TASOR2: variants seen among roughly 807,000 people sequenced by gnomAD.
TASOR2 encodes transcription activation suppressor family member 2.
TASOR2 carries 84 observed loss-of-function variants against 199.5 expected under a neutral mutation model. The ratio of observed to expected loss-of-function variants is 0.42; its 90% CI spans 0.35 to 0.50. The LOEUF is 0.50. Among genes scored for constraint, TASOR2 ranks in the 20% least tolerant of loss-of-function variants. TASOR2 has a pLI of 0.02. For synonymous variants in TASOR2, 1,103 were observed against 1,046.6 expected (o/e 1.05, Z -1.04); for missense variants, 2,796 against 2,835.9 (o/e 0.99, Z 0.32).
chr10:5,746,029 C>G (rs1837142417), intron 14 of TASOR2, 150 bp from the exon 16 acceptor site: 2 of 858,298 alleles, frequency 2.3e-6, no homozygotes, highest in Admixed American at 3.5e-5. Flanking sequence ...TGATTTGTAC[C>G]CTGTGATATT....
chr10:5,730,336 GTCT>G lies in TASOR2; in HGVS notation c.488-147_488-145del, dbSNP rs1564309685. The G allele has an allele frequency of 1.2e-5, 7 of 585,346 alleles. No homozygotes were observed. Among genetic ancestry groups the G allele is most frequent in the Non-Finnish European group, 1.8e-5 (6 of 339,526 alleles). 36.3% of individuals were successfully genotyped at this position (585,346 alleles called of 1,614,324 possible). On this transcript the variant is annotated intron_variant, in intron 10 of 20. Coordinates refer to ENST00000328090, the Ensembl canonical transcript of TASOR2. The surrounding 1 kb of genome is among the most constrained non-coding windows in gnomAD (Gnocchi z 4.1). Reference sequence around the variant, plus strand: ...ATACATTTGTTAAATGTACCTCTAAGTCTTCTATTAATTGCCATTTAGGTTGTC... The same window carrying G: ...ATACATTTGTTAAATGTACCTCTAAGTCTATTAATTGCCATTTAGGTTGTC...
Position 5,720,465 on chromosome 10 carries a change from C to T in TASOR2, c.-99-79C>T. On this transcript the variant is annotated intron_variant, in intron 3 of 20. Coordinates refer to ENST00000328090, the Ensembl canonical transcript of TASOR2. The surrounding 1 kb of genome is among the most constrained non-coding windows in gnomAD (Gnocchi z 5.3). Reference sequence around the variant, plus strand: ...GACTCTAATGTGTTAAATTTCAGGGCTCGGTGGGGTTGAGAAAAACTTGGT... The same window carrying T: ...GACTCTAATGTGTTAAATTTCAGGGTTCGGTGGGGTTGAGAAAAACTTGGT... 1 of 1,429,236 alleles carries T rather than the reference C, an allele frequency of 7.0e-7. No individual in the cohort carries two copies. Among genetic ancestry groups the T allele is most frequent in the South Asian group, 1.6e-5 (1 of 63,400 alleles). The allele number at this position is 1,429,236 out of a possible 1,614,324, so 88.5% of individuals were successfully genotyped here.
chr10:5,703,984 G>T (rs182459094), intron 1 of TASOR2, among the ~76,000 whole-genome samples: 1 of 151,832 alleles, frequency 6.6e-6, no homozygotes, highest in East Asian at 1.9e-4. Context: ...GCACTTTGGG[G>T]GGCCCAGGTG....
At chr10:5,756,528 C>T in intron 15 of TASOR2, 85 bp from the exon 17 acceptor site, 2 of 1,416,414 alleles carry the variant, frequency 1.4e-6, no homozygotes, top group South Asian at 1.3e-5. Context: ...TTAGACTATA[C>T]TGCTTTTCAT....
At chr10:5,717,884 A>T (rs1220654099) in intron 3 of TASOR2, 134 bp downstream of exon 4, 22 of 393,466 alleles carry the variant, frequency 5.6e-5, no homozygotes, top group Non-Finnish European at 9.7e-5. Flanking sequence ...AAGCAAAACT[A>T]TTTTTCCTTT....
chr10:5,709,638 C>A, intron 1 of TASOR2: 1 of 1,230,864 alleles, frequency 8.1e-7, no homozygotes, highest in Non-Finnish European at 1.0e-6. Context: ...TAGAGAAGAT[C>A]GAGACAGGGT....
chr10:5,693,975 G>C (rs548785344), intron 1 of TASOR2, among the ~76,000 whole-genome samples: 13 of 152,122 alleles, frequency 8.5e-5, no homozygotes, highest in Non-Finnish European at 1.9e-4. Flanking sequence ...ATAATTCCAT[G>C]TTCTAATGCT....
intron 1 of TASOR2, among the ~76,000 whole-genome samples, chr10:5,702,680 C>T (rs1210193920): frequency 2.8e-5 from 3 of 106,814 alleles, no homozygotes; most frequent in South Asian, 3.0e-4. Flanking sequence ...AGGATAGATA[C>T]GACAGCCAAA....
chr10:5,725,374 G>C (rs1277646410), intron 8 of TASOR2, among the ~76,000 whole-genome samples: 4 of 133,922 alleles, frequency 3.0e-5, no homozygotes, highest in Non-Finnish European at 6.3e-5. Context: ...CTGGGCGATA[G>C]AGCAAGACTC....
chr10:5,713,989 C>T, intron 2 of TASOR2, 146 bp from the exon 3 acceptor site: 1 of 393,482 alleles, frequency 2.5e-6, no homozygotes. Context: ...TTGCTTGAGC[C>T]CAGGAATTTG....
At chr10:5,704,538 A>G (rs940308134) in intron 1 of TASOR2, among the ~76,000 whole-genome samples, 1 of 152,208 alleles carries the variant, frequency 6.6e-6, no homozygotes. Context: ...TTGACTAAAG[A>G]TATATCAATA....
intron 18 of TASOR2, among the ~76,000 whole-genome samples, chr10:5,759,513 C>T (rs369451055): frequency 6.6e-5 from 10 of 152,220 alleles, no homozygotes; most frequent in African/African-American, 1.9e-4. Flanking sequence ...CACATTCTCA[C>T]AAGCAGGACC....
intron 2 of TASOR2, among the ~76,000 whole-genome samples, chr10:5,716,297 C>T (rs535680653): frequency 1.3e-5 from 2 of 152,242 alleles, no homozygotes; most frequent in Non-Finnish European, 2.9e-5. Flanking sequence ...GTTATTTCTA[C>T]TTTTGGGCTA....
At chr10:5,756,577 C>T in intron 15 of TASOR2, 36 bp from the exon 17 acceptor site, 3 of 1,605,470 alleles carry the variant, frequency 1.9e-6, no homozygotes, top group Non-Finnish European at 2.6e-6. Flanking sequence ...GTGGAAGTAC[C>T]CTTTTTTTAA....
exon 11 of TASOR2, chr10:5,731,142 C>G: frequency 6.2e-7 from 1 of 1,611,464 alleles, no homozygotes; most frequent in Non-Finnish European, 8.5e-7. Flanking sequence ...CAGACAACAG[C>G]TCGGACTCTC....
intron 12 of TASOR2, among the ~76,000 whole-genome samples, chr10:5,735,749 A>G (rs768407659): frequency 3.3e-5 from 5 of 152,336 alleles, no homozygotes; most frequent in Admixed American, 2.0e-4. Context: ...CAAACCTTCA[A>G]AAACATAGAG....
At chr10:5,761,012 C>G in intron 18 of TASOR2, 1 of 295,990 alleles carries the variant, frequency 3.4e-6, no homozygotes. Context: ...ATAAGGCCCA[C>G]TCGAAATTCA....
chr10:5,704,394 C>T (rs1838309305), intron 1 of TASOR2, among the ~76,000 whole-genome samples: 1 of 151,812 alleles, frequency 6.6e-6, no homozygotes, highest in African/African-American at 2.4e-5. Context: ...GGAAAATTCC[C>T]CTGTTTTCTC....
At position 5,753,667 on chromosome 10, in the gene TASOR2, C is replaced by T. The variant is rs560241541; in HGVS notation, c.6607-2946C>T. Reference sequence around the variant, plus strand: ...GAGCCACTCCGCCCAGCCTGTTTGCCGAGATTCTTAATGAATGGTTGCCGG... The same window carrying T: ...GAGCCACTCCGCCCAGCCTGTTTGCTGAGATTCTTAATGAATGGTTGCCGG... On this transcript the variant is annotated intron_variant, in intron 15 of 20. Transcript: ENST00000328090. Among the ~76,000 whole-genome samples, 8 of 152,246 alleles carry T rather than the reference C, an allele frequency of 5.3e-5. No homozygotes were observed. The East Asian group carries it at 5.8e-4, about 11-fold the overall frequency.
Sources: allele counts gnomAD v4.1 joint callset (sites outside exome capture counted in the v4.1 genomes callset), GRCh38; gene constraint gnomAD v4.1.1; non-coding constraint Gnocchi (gnomAD v3.1); transcripts MANE v1.5; gene names NCBI Gene and HGNC (gene_info 2026-07-23, HGNC 2026-07-21).